Variants in IQANK1 observed in about 807,000 individuals in gnomAD.
IQANK1 encodes the protein IQ motif and ankyrin repeat containing 1, also known as IQ motif and ankyrin repeat domain-containing protein 1.
A neutral mutation model predicts 22.6 loss-of-function variants in IQANK1; 30 were observed. The ratio of observed to expected loss-of-function variants is 1.33; its 90% CI spans 0.99 to 1.80. IQANK1 has a LOEUF of 1.80. IQANK1 is among the 40% of genes most tolerant of loss of function. The pLI, the probability that IQANK1 is intolerant of heterozygous loss-of-function variation, is 0.00. For missense variants in IQANK1, 275 were observed against 235.2 expected, an observed-to-expected ratio of 1.17 and a Z score of -1.11; for synonymous variants, 122 against 99.6, an observed-to-expected ratio of 1.23 and a Z score of -1.34.
chr8:143,775,901 A>G (rs917566210), intron 7 of IQANK1, among the ~76,000 whole-genome samples: 4 of 152,126 alleles, frequency 2.6e-5, no homozygotes, highest in Non-Finnish European at 5.9e-5. Context: ...TTAATGGAAG[A>G]TGCAGATTAG....
Position 143,776,523 on chromosome 8 carries a change from G to T in IQANK1, c.789+4041G>T, listed in dbSNP as rs550779890. On this transcript the variant is annotated intron_variant, in intron 7 of 13. Coordinates refer to ENST00000527139, the MANE Select transcript of IQANK1 (RefSeq NM_001381874.1). Reference sequence around the variant, plus strand: ...AATAAGCAAAGTGAGCCCTAAGCTTGTCCCAGTTTACCACCTTGAGAGAAT... The same window carrying T: ...AATAAGCAAAGTGAGCCCTAAGCTTTTCCCAGTTTACCACCTTGAGAGAAT... Among the ~76,000 whole-genome samples, 18 of 152,210 alleles carry T rather than the reference G, an allele frequency of 1.2e-4. No individual in the cohort carries two copies. In the East Asian group the frequency reaches 2.3e-3, roughly 20 times the overall value.
chr8:143,752,996 GTTTTTTTTTT>G (rs34993930), intron 3 of IQANK1, among the ~76,000 whole-genome samples: 2 of 69,938 alleles, frequency 2.9e-5, no homozygotes, highest in African/African-American at 6.2e-5. Flanking sequence ...CTCTCTGTTC[GTTTTTTTTTT>G]TTTTTTTTTT....
At chr8:143,780,218 C>T (rs1819771681) in intron 7 of IQANK1, among the ~76,000 whole-genome samples, 2 of 151,950 alleles carry the variant, frequency 1.3e-5, no homozygotes, top group South Asian at 2.1e-4. Context: ...TATAAAGTTC[C>T]CAGTTTAATC....
chr8:143,739,889 G>C lies in IQANK1; in HGVS notation c.116G>C (p.Arg39Thr). 1 of 698,420 alleles carries C rather than the reference G, an allele frequency of 1.4e-6. No homozygotes were observed. Among genetic ancestry groups the C allele is most frequent in the Non-Finnish European group, 2.6e-6 (1 of 383,094 alleles). The allele number at this position is 698,420 out of a possible 1,614,324, so 43.3% of individuals were successfully genotyped here. A position where few individuals can be genotyped will look rare whatever the true frequency, so the allele number is the denominator to read the frequency against. ...GKPGENRPPQ[R>T]KAGWQAREPA... ...CCCGGGGAGAACCGCCCGCCGCAGA[G>C]GAAAGCGGGCTGGCAGGCGAGGGAG... Residue 39 changes from arginine to threonine, a missense_variant, in exon 3 of 14, where the codon AGG becomes ACG. Transcript: ENST00000527139.
At chr8:143,742,185 G>A (rs1330280383) in intron 3 of IQANK1, 1 of 359,810 alleles carries the variant, frequency 2.8e-6, no homozygotes, top group Non-Finnish European at 5.6e-6. Context: ...CACTGTCCCG[G>A]GCTCGTTCAC....
At chr8:143,751,964 C>A (rs1464438474) in intron 3 of IQANK1, among the ~76,000 whole-genome samples, 2 of 150,010 alleles carry the variant, frequency 1.3e-5, no homozygotes, top group African/African-American at 2.5e-5. Context: ...ATTTATTATT[C>A]TTATTATTTT....
At chr8:143,743,583 G>A (rs1554626921) in intron 3 of IQANK1, among the ~76,000 whole-genome samples, 1 of 152,202 alleles carries the variant, frequency 6.6e-6, no homozygotes, top group Non-Finnish European at 1.5e-5. Context: ...CGCTTGCTCA[G>A]TGGAATTACG....
intron 3 of IQANK1, among the ~76,000 whole-genome samples, chr8:143,755,707 T>C (rs782574457): frequency 1.8e-4 from 27 of 152,336 alleles, no homozygotes; most frequent in Non-Finnish European, 3.5e-4. Flanking sequence ...GGCAACATCA[T>C]TGCAGTCAAG....
At chr8:143,756,308 T>C (rs1292252564) in intron 3 of IQANK1, among the ~76,000 whole-genome samples, 1 of 152,162 alleles carries the variant, frequency 6.6e-6, no homozygotes, top group East Asian at 1.9e-4. Flanking sequence ...CACTCCTGAC[T>C]TAAGGCTGGA....
chr8:143,767,021 T>A (rs1442919946), intron 3 of IQANK1, among the ~76,000 whole-genome samples: 3 of 152,262 alleles, frequency 2.0e-5, no homozygotes, highest in African/African-American at 2.4e-5. Context: ...CCACGGCCAC[T>A]GGTCTCCGTG....
intron 3 of IQANK1, among the ~76,000 whole-genome samples, chr8:143,752,493 T>C (rs1423697193): frequency 6.6e-6 from 1 of 152,220 alleles, no homozygotes; most frequent in African/African-American, 2.4e-5. Context: ...GCTTGGATGT[T>C]TATATGCATG....
In IQANK1 at chr8:143,789,495, G is replaced by A. The variant is rs562624805; in HGVS notation, c.1053G>A (p.Trp351Ter). Residue 351 changes from tryptophan (W) to a stop codon, truncating the protein, a stop_gained, in exon 10 of 14, where the codon TGG becomes TGA. Coordinates refer to ENST00000527139, the MANE Select transcript of IQANK1 (RefSeq NM_001381874.1). LOFTEE classifies it high-confidence loss of function. The stretch of plus-strand genomic sequence containing the variant: ...TCTCAGAGCACGACCAGTGTGAGTG[G>A]AGGTGCATGGACAAGACCAAGCTCA... ...RRISEHDQCE[W>*]RCMDKTKLTL... The A allele has an allele frequency of 1.9e-5, 23 of 1,232,288 alleles. No homozygotes were observed. In the South Asian group the frequency reaches 8.2e-4, roughly 44 times the overall value. 76.3% of individuals were successfully genotyped at this position (1,232,288 alleles called of 1,614,324 possible). A position where few individuals can be genotyped will look rare whatever the true frequency, so the allele number is the denominator to read the frequency against.
rs896762991 is a variant in IQANK1 at position 143,769,723 on chromosome 8, C to G, written c.176-1765C>G. Among the ~76,000 whole-genome samples the G allele has an allele frequency of 2.6e-5, 4 of 152,288 alleles. No homozygotes were observed. In the South Asian group the frequency reaches 6.2e-4, roughly 24 times the overall value. On this transcript the variant is annotated intron_variant, in intron 3 of 13. Coordinates refer to ENST00000527139, the MANE Select transcript of IQANK1 (RefSeq NM_001381874.1). ...CCCTGCTGCACTGTTTTGGAGACCT[C>G]GTTCTTCATTTCCTCAGTAGCTTTG...
chr8:143,771,491 C>T lies in IQANK1; in HGVS notation c.179C>T (p.Pro60Leu), dbSNP rs1409954858. ...CGTGAGCCTCTCCCCACCCCAGGGC[C>T]GGCCGAGGACCGAGCGGCCAGAGCG... ...SAESPQAPTGPAEDRAARAIQ... is the reference protein window; with the variant it reads ...SAESPQAPTGLAEDRAARAIQ... Residue 60 changes from proline to leucine, a missense_variant, in exon 4 of 14, where the codon CCG (proline) becomes CTG (leucine). Pro to Leu is a moderately conservative substitution (Grantham distance 98, BLOSUM62 -3). Coordinates refer to ENST00000527139, the MANE Select transcript of IQANK1 (RefSeq NM_001381874.1). This position sits in a 1 kb window ranked among gnomAD's most constrained non-coding sequence, Gnocchi z 6.0. 10 of 397,640 alleles carry T rather than the reference C, an allele frequency of 2.5e-5. No individual in the cohort carries two copies. Among genetic ancestry groups the T allele is most frequent in the Admixed American group, 4.4e-5 (1 of 22,670 alleles). The allele number at this position is 397,640 out of a possible 1,614,324, so 24.6% of individuals were successfully genotyped here.
At chr8:143,779,404 T>C (rs1283117038) in intron 7 of IQANK1, among the ~76,000 whole-genome samples, 4 of 152,176 alleles carry the variant, frequency 2.6e-5, no homozygotes, top group African/African-American at 9.7e-5. Flanking sequence ...GATGAATTCA[T>C]CCATCAATTC....
At position 143,735,102 on chromosome 8, in the gene IQANK1, T is replaced by C. The variant is rs1818695092; in HGVS notation, c.-4-748T>C. On this transcript the variant is annotated intron_variant, in intron 1 of 13. Transcript: ENST00000527139. The surrounding 1 kb of genome is among the most constrained non-coding windows in gnomAD (Gnocchi z 5.2). The stretch of plus-strand genomic sequence containing the variant: ...TTCTGTTTTCAGGGTCAGTCCCAGT[T>C]TCATTTGTTCTTTCCCCAAACACTC... Among the ~76,000 whole-genome samples the C allele has an allele frequency of 6.6e-6, 1 of 152,216 alleles. No individual in the cohort carries two copies. The highest frequency in any genetic ancestry group is 2.4e-5 in the African/African-American group (1 of 41,456).
intron 10 of IQANK1, 40 bp from the exon 11 acceptor site, chr8:143,789,721 T>C (rs72693350): frequency 6.5e-4 from 803 of 1,227,274 alleles, no homozygotes; most frequent in Non-Finnish European, 6.8e-4. Flanking sequence ...AGCCAGAGCA[T>C]GGGGCAGGGC....
intron 7 of IQANK1, among the ~76,000 whole-genome samples, chr8:143,779,327 G>A (rs537915829): frequency 4.5e-4 from 68 of 152,206 alleles, no homozygotes; most frequent in Non-Finnish European, 7.6e-4. Context: ...ACTGTGTCTC[G>A]TTCACCCCTT....
In IQANK1 at chr8:143,748,834, T is replaced by C. The variant is rs1254291646; in HGVS notation, c.175+8886T>C. On this transcript the variant is annotated intron_variant, in intron 3 of 13. Transcript: ENST00000527139. Reference sequence around the variant, plus strand: ...TATAAATATATAAATATATATTTCATATATAAATATATAAATATATATATC... The same window carrying C: ...TATAAATATATAAATATATATTTCACATATAAATATATAAATATATATATC... Among the ~76,000 whole-genome samples the C allele has an allele frequency of 2.8e-4, 32 of 114,748 alleles. 1 individual carries two copies. Among genetic ancestry groups the C allele is most frequent in the African/African-American group, 1.1e-3 (30 of 26,320 alleles). The allele number at this position is 114,748 out of a possible 152,430, so 75.3% of individuals were successfully genotyped here. A position where few individuals can be genotyped will look rare whatever the true frequency, so the allele number is the denominator to read the frequency against.
Sources: allele counts gnomAD v4.1 joint callset (sites outside exome capture counted in the v4.1 genomes callset), GRCh38; gene constraint gnomAD v4.1.1; non-coding constraint Gnocchi (gnomAD v3.1); transcripts MANE v1.5; gene names NCBI Gene and HGNC (gene_info 2026-07-23, HGNC 2026-07-21).